The following ANXA8 variants were observed in gnomAD, a reference collection of about 807,000 sequenced individuals.
The protein encoded by ANXA8 is VAC-beta.
ANXA8 carries 9 observed loss-of-function variants against 26.8 expected under a neutral mutation model. The ratio of observed to expected loss-of-function variants is 0.34; its 90% confidence interval spans 0.20 to 0.59. ANXA8 has a LOEUF of 0.59. Ranked by LOEUF, ANXA8 falls within the 20% of genes least tolerant of loss-of-function variation. ANXA8 has a pLI of 0.84. For synonymous variants in ANXA8, 39 were observed against 94.8 expected, an observed-to-expected ratio of 0.41 and a Z score of 3.42; for missense variants, 83 against 238.5, an observed-to-expected ratio of 0.35 and a Z score of 4.29.
At chr10:47,669,500 CT>C in the ANXA8 span, among the ~76,000 whole-genome samples, 3 of 151,658 alleles carry the variant, frequency 2.0e-5, no homozygotes, top group South Asian at 6.2e-4. Flanking sequence ...AGGTAGACTC[CT>C]TGCATCTGGG....
the ANXA8 span, among the ~76,000 whole-genome samples, chr10:47,498,335 T>G: frequency 6.9e-6 from 1 of 145,974 alleles, no homozygotes; most frequent in Non-Finnish European, 1.5e-5. Flanking sequence ...TAGAATTTCC[T>G]TCCTTTTTAA....
the ANXA8 span, among the ~76,000 whole-genome samples, chr10:47,583,986 G>C: frequency 0.72 from 62,898 of 87,120 alleles, 24,091 homozygotes; most frequent in African/African-American, 0.85. Context: ...TCGAGAACAG[G>C]GTGGGCACCC....
chr10:47,626,623 A>G, the ANXA8 span, among the ~76,000 whole-genome samples: 1 of 150,186 alleles, frequency 6.7e-6, no homozygotes, highest in Non-Finnish European at 1.5e-5. Flanking sequence ...ATTGGGCCAC[A>G]TACATAATTA....
chr10:47,553,384 G>C, the ANXA8 span: 3 of 153,904 alleles, frequency 1.9e-5, no homozygotes, highest in Non-Finnish European at 2.9e-5. Flanking sequence ...CCGGAGGACC[G>C]GGGGAGGACC....
the ANXA8 span, among the ~76,000 whole-genome samples, chr10:47,504,859 T>TG: frequency 8.9e-5 from 11 of 123,728 alleles, no homozygotes; most frequent in Admixed American, 3.4e-4. Context: ...TTTTTTTTTT[T>TG]TTTTTTTTTT....
chr10:47,697,190 TC>T, the ANXA8 span, among the ~76,000 whole-genome samples: 1 of 152,216 alleles, frequency 6.6e-6, no homozygotes, highest in Admixed American at 6.5e-5. Flanking sequence ...AGGATTTGAA[TC>T]CTGGCCCTCT....
the ANXA8 span, among the ~76,000 whole-genome samples, chr10:47,576,455 C>CTT: frequency 0.044 from 3,248 of 74,282 alleles, 191 homozygotes; most frequent in African/African-American, 0.13. Flanking sequence ...ACATCCCTAT[C>CTT]TTTTTTTTTT....
chr10:47,484,301 C>T, upstream of ANXA8: 1 of 572,338 alleles, frequency 1.7e-6, no homozygotes, highest in South Asian at 1.8e-5. Flanking sequence ...TTAGGCTGGT[C>T]TCAAACTCCC....
chr10:47,675,577 A>G, the ANXA8 span, among the ~76,000 whole-genome samples: 5 of 151,954 alleles, frequency 3.3e-5, no homozygotes, highest in East Asian at 9.6e-4. Context: ...CACCCAGCTC[A>G]GTTACATATT....
chr10:47,654,046 T>C, the ANXA8 span, among the ~76,000 whole-genome samples: 63 of 151,974 alleles, frequency 4.1e-4, no homozygotes, highest in African/African-American at 1.5e-3. Context: ...ATTTCACATG[T>C]ACAGGTTAGA....
chr10:47,704,965 T>TA, the ANXA8 span, among the ~76,000 whole-genome samples: 2 of 152,116 alleles, frequency 1.3e-5, no homozygotes, highest in Admixed American at 1.3e-4. Flanking sequence ...GCATGTTCCA[T>TA]AAAAATCCTC....
the ANXA8 span, among the ~76,000 whole-genome samples, chr10:47,681,523 C>CTTTTTTTTT: frequency 1.2e-5 from 1 of 81,284 alleles, no homozygotes; most frequent in Admixed American, 1.4e-4. Flanking sequence ...TTTATTTTTA[C>CTTTTTTTTT]TTTTTTTTTT....
chr10:47,490,686 C>G, the ANXA8 span, among the ~76,000 whole-genome samples: 1 of 141,784 alleles, frequency 7.1e-6, no homozygotes, highest in South Asian at 2.4e-4. Flanking sequence ...AACTCAGAGG[C>G]TAGTGAAAGG....
chr10:47,693,085 T>C, the ANXA8 span, among the ~76,000 whole-genome samples: 4 of 151,694 alleles, frequency 2.6e-5, no homozygotes, highest in Non-Finnish European at 4.4e-5. Context: ...TGTTCTTTGT[T>C]GATTTAAAAT....
the ANXA8 span, among the ~76,000 whole-genome samples, chr10:47,494,852 T>A: frequency 1.3e-4 from 20 of 151,932 alleles, no homozygotes; most frequent in Non-Finnish European, 2.6e-4. Context: ...GTGGACCGAG[T>A]TAAGGGAACC....
At chr10:47,577,317 C>G in the ANXA8 span, among the ~76,000 whole-genome samples, 4 of 145,338 alleles carry the variant, frequency 2.8e-5, no homozygotes, top group Non-Finnish European at 6.0e-5. Flanking sequence ...GTGGGATCAC[C>G]TGAGGCCAGG....
chr10:47,982,833 TAA>T, the ANXA8 span, among the ~76,000 whole-genome samples: 1 of 71,126 alleles, frequency 1.4e-5, no homozygotes, highest in African/African-American at 4.9e-5. Flanking sequence ...TATATATATA[TAA>T]AATTTGATAA....
At chr10:47,702,318 G>T in the ANXA8 span, among the ~76,000 whole-genome samples, 2 of 150,936 alleles carry the variant, frequency 1.3e-5, no homozygotes, top group African/African-American at 4.9e-5. Flanking sequence ...CCAGATCTTC[G>T]TCTGTAAACA....
At chr10:47,726,535 GATT>G in the ANXA8 span, among the ~76,000 whole-genome samples, 281 of 152,098 alleles carry the variant, frequency 1.8e-3, no homozygotes, top group African/African-American at 6.4e-3. Context: ...TGAAATATGT[GATT>G]ATTATTTTTA....
Sources: gnomAD v4.1 joint callset for allele counts (sites outside exome capture counted in the v4.1 genomes callset) on GRCh38, gnomAD v4.1.1 for gene constraint, MANE v1.5 for transcripts, NCBI Gene and HGNC (gene_info 2026-07-23, HGNC 2026-07-21) for gene names.